Variants in ANKHD1 observed in about 807,000 individuals in gnomAD.
ANKHD1 encodes the protein ankyrin repeat and KH domain containing 1.
A neutral mutation model predicts 230.5 loss-of-function variants in ANKHD1; 31 were observed. That is an observed-to-expected ratio of 0.13 (90% CI 0.10 to 0.18). The LOEUF is 0.18. Among genes scored for constraint, ANKHD1 ranks in the 10% least tolerant of loss-of-function variants. The pLI is 1.00. For synonymous variants in ANKHD1, 1,074 were observed against 1,117.6 expected (o/e 0.96, Z 0.78); for missense variants, 2,256 against 3,071.3 (o/e 0.73, Z 6.27).
intron 22 of ANKHD1, among the ~76,000 whole-genome samples, chr5:140,510,735 TTA>T (rs1386935742): frequency 1.3e-5 from 2 of 152,156 alleles, no homozygotes; most frequent in African/African-American, 4.8e-5. Flanking sequence ...AGAAAAACTA[TTA>T]TATGCAGATG....
chr5:140,537,567 A>G lies in ANKHD1; in HGVS notation c.7206A>G (p.Ser2402=). ...VAPVGHSGIW[S]FGVNAVSEGL... is the part of the protein sequence containing the mutation. ...CCGTTGGACACAGTGGAATCTGGTC[A>G]TTTGGTGTCAATGCTGTGTCAGGTA... Residue 2402 remains serine, a synonymous_variant, in exon 31 of 34, where the codon TCA becomes TCG. Transcript: ENST00000360839. 6.3e-7 allele frequency: 1 copy of G among 1,595,556 alleles called. No homozygotes were observed.
At position 140,507,839 on chromosome 5, in the gene ANKHD1, T is replaced by C. The variant is rs769176456; in HGVS notation, c.3606T>C (p.His1202=). The C allele has an allele frequency of 1.9e-6, 3 of 1,614,198 alleles. No homozygotes were observed. The highest frequency in any genetic ancestry group is 2.5e-6 in the Non-Finnish European group (3 of 1,180,038). The part of the protein sequence containing the change: ...SPLMLAAMNG[H]VPAVKLLLDM... ...TGATGTTGGCTGCAATGAATGGACA[T>C]GTTCCTGCAGTAAAATTGCTGCTCG... is the stretch of plus-strand genomic sequence containing the variant. Residue 1202 remains histidine, a synonymous_variant, in exon 20 of 34, where the codon CAT becomes CAC. Coordinates refer to ENST00000360839, the MANE Select transcript of ANKHD1 (RefSeq NM_017747.3). This position sits in a 1 kb window ranked among gnomAD's most constrained non-coding sequence, Gnocchi z 4.1.
intron 33 of ANKHD1, 71 bp from the exon 34 acceptor site, chr5:140,539,288 T>A: frequency 6.2e-7 from 1 of 1,605,216 alleles, no homozygotes; most frequent in Non-Finnish European, 8.5e-7. Flanking sequence ...TGCCATTGCA[T>A]TTATATATTC....
intron 10 of ANKHD1, among the ~76,000 whole-genome samples, chr5:140,481,024 A>G (rs1352389209): frequency 6.6e-6 from 1 of 152,068 alleles, no homozygotes; most frequent in African/African-American, 2.4e-5. Flanking sequence ...AGGAAATAAC[A>G]CTTGACTTGA....
At chr5:140,505,048 AAAG>A (rs1396338137) in intron 16 of ANKHD1, 71 bp from the exon 17 acceptor site, 10 of 1,603,030 alleles carry the variant, frequency 6.2e-6, no homozygotes, top group African/African-American at 2.7e-5. Flanking sequence ...TTTATTGTGA[AAAG>A]AAATATTATT....
intron 24 of ANKHD1, among the ~76,000 whole-genome samples, chr5:140,515,715 A>G (rs907017251): frequency 1.2e-4 from 18 of 152,318 alleles, no homozygotes; most frequent in African/African-American, 2.6e-4. Flanking sequence ...GGGTACTTCA[A>G]CAGACCTGCA....
intron 10 of ANKHD1, among the ~76,000 whole-genome samples, chr5:140,481,475 C>G (rs1751272153): frequency 6.6e-6 from 1 of 151,914 alleles, no homozygotes; most frequent in South Asian, 2.1e-4. Context: ...TGATACTACA[C>G]TGTCAAGATT....
chr5:140,445,927 C>T lies in ANKHD1; in HGVS notation c.1099C>T (p.His367Tyr), dbSNP rs1450484992. The change falls in exon 6 of 34, where the codon CAT becomes TAT. Residue 367 changes from histidine to tyrosine, a missense_variant. This residue lies in a region of ANKHD1 where 206 missense variants were observed against 304.5 expected (regional missense o/e 0.68). Coordinates refer to ENST00000360839, the MANE Select transcript of ANKHD1 (RefSeq NM_017747.3). ...AGATCATGGTGCAGGCATCAACACT[C>T]ATTCTAATGAATTCAAAGAAAGTGC... ...LLDHGAGINT[H>Y]SNEFKESALT... is the part of the protein sequence containing the mutation. The T allele has an allele frequency of 1.1e-5, 17 of 1,610,240 alleles. No individual in the cohort carries two copies. Among genetic ancestry groups the T allele is most frequent in the Non-Finnish European group, 1.4e-5 (17 of 1,177,704 alleles).
chr5:140,492,867 A>G (rs1270870394), intron 14 of ANKHD1, among the ~76,000 whole-genome samples: 1 of 152,208 alleles, frequency 6.6e-6, no homozygotes, highest in African/African-American at 2.4e-5. Context: ...GCTCAATCCA[A>G]TAAAAAACTA....
intron 1 of ANKHD1, among the ~76,000 whole-genome samples, chr5:140,411,831 A>T (rs1770950539): frequency 6.7e-6 from 1 of 148,984 alleles, no homozygotes; most frequent in African/African-American, 2.5e-5. Context: ...GCCTTTTTTT[A>T]AATTTTTTTT....
At chr5:140,470,957 C>T (rs1038271895) in intron 10 of ANKHD1, among the ~76,000 whole-genome samples, 1 of 151,938 alleles carries the variant, frequency 6.6e-6, no homozygotes, top group Non-Finnish European at 1.5e-5. Context: ...GTTTTCATGG[C>T]TTCACTGTTA....
Position 140,401,895 on chromosome 5 carries a change from T to C in ANKHD1, c.-73T>C, listed in dbSNP as rs1769972859. The C allele has an allele frequency of 6.7e-7, 1 of 1,495,802 alleles. No individual in the cohort carries two copies. Among genetic ancestry groups the C allele is most frequent in the Non-Finnish European group, 8.8e-7 (1 of 1,131,388 alleles). 92.7% of individuals were successfully genotyped at this position (1,495,802 alleles called of 1,614,324 possible). A position where few individuals can be genotyped will look rare whatever the true frequency, so the allele number is the denominator to read the frequency against. On this transcript the variant is annotated 5_prime_UTR_variant, in exon 1 of 34. Coordinates refer to ENST00000360839, the MANE Select transcript of ANKHD1 (RefSeq NM_017747.3). ...GAGACGCTTCTTCCTCTTGCTGCTC[T>C]TCTCGTTCCCGAGATCAGCGGCGGC...
intron 24 of ANKHD1, among the ~76,000 whole-genome samples, chr5:140,521,570 G>A (rs1439526617): frequency 1.3e-5 from 2 of 152,172 alleles, no homozygotes; most frequent in African/African-American, 2.4e-5. Context: ...TCAGTATTTT[G>A]TAAAGATCCA....
intron 9 of ANKHD1, among the ~76,000 whole-genome samples, chr5:140,464,295 C>T (rs558257534): frequency 2.6e-5 from 4 of 151,652 alleles, no homozygotes; most frequent in African/African-American, 7.3e-5. Context: ...TCTGTTCTCA[C>T]GAAATAATTG....
rs1039829028 is a variant in ANKHD1 at position 140,526,105 on chromosome 5, T to C, written c.4602T>C (p.Asn1534=). The C allele has an allele frequency of 3.7e-6, 6 of 1,613,702 alleles. No homozygotes were observed. In the African/African-American group the frequency reaches 6.7e-5, roughly 18 times the overall value. ...ATGTGTTTGGGAAAAAAAGGGCCAA[T>C]GTGGTGACAACTCCCAGCACCAATC... The part of the protein sequence containing the change: ...FTNVFGKKRA[N]VVTTPSTNRK... Residue 1534 remains asparagine (N), a synonymous_variant, in exon 26 of 34, where the codon AAT becomes AAC. Coordinates refer to ENST00000360839, the MANE Select transcript of ANKHD1 (RefSeq NM_017747.3).
intron 10 of ANKHD1, among the ~76,000 whole-genome samples, chr5:140,467,194 C>T (rs1279060172): frequency 6.6e-6 from 1 of 151,998 alleles, no homozygotes; most frequent in Admixed American, 6.6e-5. Context: ...GTTGATGAAC[C>T]ATACTCGTTC....
At chr5:140,472,226 T>C in intron 10 of ANKHD1, 1 of 1,611,358 alleles carries the variant, frequency 6.2e-7, no homozygotes, top group Non-Finnish European at 8.5e-7. Context: ...AGTTCTTCTT[T>C]TTCCTTTCGC....
chr5:140,420,692 G>A (rs578080267), intron 1 of ANKHD1, among the ~76,000 whole-genome samples: 1 of 152,252 alleles, frequency 6.6e-6, no homozygotes, highest in Admixed American at 6.5e-5. Context: ...TGATCTATAT[G>A]TCTCCCTATG....
intron 25 of ANKHD1, among the ~76,000 whole-genome samples, chr5:140,525,332 G>A (rs542500819): frequency 2.6e-5 from 4 of 151,602 alleles, no homozygotes; most frequent in Non-Finnish European, 4.4e-5. Flanking sequence ...GTGCAATCTC[G>A]GCTCACTGCA....
Sources: allele counts gnomAD v4.1 joint callset (sites outside exome capture counted in the v4.1 genomes callset), GRCh38; gene constraint gnomAD v4.1.1; regional missense constraint gnomAD v4.1.1; non-coding constraint Gnocchi (gnomAD v3.1); transcripts MANE v1.5; gene names NCBI Gene and HGNC (gene_info 2026-07-23, HGNC 2026-07-21).